Variants in STOX2 observed in about 807,000 individuals in gnomAD.
The protein encoded by STOX2 is storkhead box 2.
Under a neutral mutation model 60.9 loss-of-function variants are expected in STOX2, and 28 were observed. That is an observed-to-expected ratio of 0.46 (90% CI 0.34 to 0.63). The LOEUF (loss-of-function observed/expected upper bound fraction) is 0.63, where lower values mean the gene tolerates loss of function less well. Ranked by LOEUF, STOX2 falls within the 30% of genes least tolerant of loss-of-function variation. STOX2 has a pLI of 0.01. For missense variants in STOX2, 1,024 were observed against 1,187.7 expected, an observed-to-expected ratio of 0.86 and a Z score of 2.03; for synonymous variants, 472 against 463.9, an observed-to-expected ratio of 1.02 and a Z score of -0.22.
intron 1 of STOX2, among the ~76,000 whole-genome samples, chr4:183,908,374 T>C (rs559482865): frequency 6.5e-4 from 99 of 152,312 alleles, no homozygotes; most frequent in African/African-American, 2.1e-3. Context: ...CATATGTACA[T>C]AAACCCATTG....
chr4:183,897,446 A>G (rs1296771377), intron 1 of STOX2, among the ~76,000 whole-genome samples: 1 of 152,210 alleles, frequency 6.6e-6, no homozygotes, highest in African/African-American at 2.4e-5. Flanking sequence ...GCTGTTGTAC[A>G]TGCTAATTGT....
At chr4:183,850,236 G>A (rs1740083269) in intron 1 of STOX2, among the ~76,000 whole-genome samples, 1 of 151,492 alleles carries the variant, frequency 6.6e-6, no homozygotes, top group African/African-American at 2.4e-5. Flanking sequence ...GCCTCCCAAA[G>A]TGTTGGGATT....
chr4:184,011,563 A>T lies in STOX2; in HGVS notation c.2585+140A>T, dbSNP rs187802702. Reference sequence around the variant, plus strand: ...AGTTGTATGAGTTGTATTGTTAACAATCTGTTTCTGACTTCTTTTTCAGGA... The same window carrying T: ...AGTTGTATGAGTTGTATTGTTAACATTCTGTTTCTGACTTCTTTTTCAGGA... On this transcript the variant is annotated intron_variant, in intron 3 of 3. Transcript: ENST00000308497. The surrounding 1 kb of genome is among the most constrained non-coding windows in gnomAD (Gnocchi z 4.4). 27 of 1,550,080 alleles carry T rather than the reference A, an allele frequency of 1.7e-5. No individual in the cohort carries two copies. In the East Asian group the frequency reaches 6.0e-4, roughly 35 times the overall value.
At chr4:183,931,635 G>A (rs56125790) in intron 1 of STOX2, among the ~76,000 whole-genome samples, 8,941 of 152,252 alleles carry the variant, frequency 0.059, 764 homozygotes, top group East Asian at 0.45. Flanking sequence ...ATACCGTAAA[G>A]GTAGTGTGGC....
intron 1 of STOX2, among the ~76,000 whole-genome samples, chr4:183,955,904 G>A (rs748412682): frequency 7.2e-5 from 11 of 152,256 alleles, no homozygotes; most frequent in Non-Finnish European, 1.5e-4. Context: ...TTTCTCTTGC[G>A]CCAGTTTCCC....
chr4:184,010,469 C>T lies in STOX2; in HGVS notation c.1631C>T (p.Ala544Val), dbSNP rs771774456. Residue 544 changes from alanine (A) to valine (V), a missense_variant, in exon 3 of 4, where the codon GCT becomes GTT. Coordinates refer to ENST00000308497, the MANE Select transcript of STOX2 (RefSeq NM_020225.3). The surrounding 1 kb of genome is among the most constrained non-coding windows in gnomAD (Gnocchi z 4.5). ...GCACAGACCGTTAGTCTCCAAAGGG[C>T]TCACATTTCGTCCACAAGCTATAAA... ...RPAQTVSLQRAHISSTSYKEV... is the reference protein window; with the variant it reads ...RPAQTVSLQRVHISSTSYKEV... 4 of 1,613,778 alleles carry T rather than the reference C, an allele frequency of 2.5e-6. No homozygotes were observed. The highest frequency in any genetic ancestry group is 1.3e-5 in the African/African-American group (1 of 74,934).
At chr4:183,994,679 A>ATAAT (rs1733259491) in intron 1 of STOX2, among the ~76,000 whole-genome samples, 1 of 152,228 alleles carries the variant, frequency 6.6e-6, no homozygotes, top group South Asian at 2.1e-4. Context: ...CGCAGAGCGG[A>ATAAT]TAATTGTATT....
intron 1 of STOX2, among the ~76,000 whole-genome samples, chr4:183,892,707 G>A (rs1266624212): frequency 6.6e-6 from 1 of 151,970 alleles, no homozygotes; most frequent in African/African-American, 2.4e-5. Flanking sequence ...AAAGCAAACT[G>A]GACACTCTTC....
intron 1 of STOX2, among the ~76,000 whole-genome samples, chr4:183,845,093 T>C (rs1460535746): frequency 6.6e-6 from 1 of 152,164 alleles, no homozygotes; most frequent in Non-Finnish European, 1.5e-5. Context: ...GGCTCTATAA[T>C]AGTTTAAAAA....
intron 1 of STOX2, among the ~76,000 whole-genome samples, chr4:183,802,532 C>G (rs1738788734): frequency 6.6e-6 from 1 of 151,772 alleles, no homozygotes; most frequent in Admixed American, 6.6e-5. Flanking sequence ...CACCACTAAG[C>G]CTGGCTAATT....
At position 183,909,822 on chromosome 4, in the gene STOX2, A is replaced by G. The variant is rs887743764; in HGVS notation, c.166+2866A>G. ...CACGAATAAGTAATTACCAGTGTGA[A>G]ATGTGATTTATAGCAATAGGCTTGA... On this transcript the variant is annotated intron_variant, in intron 1 of 3. Coordinates refer to ENST00000308497, the MANE Select transcript of STOX2 (RefSeq NM_020225.3). Among the ~76,000 whole-genome samples the G allele has an allele frequency of 3.9e-5, 6 of 152,236 alleles. No homozygotes were observed. In the South Asian group the frequency reaches 1.2e-3, roughly 32 times the overall value.
At position 183,856,003 on chromosome 4, in the gene STOX2, A is replaced by C. The variant is rs751446784; in HGVS notation, c.364+57948A>C. On this transcript the variant is annotated intron_variant, in intron 1 of 2. Transcript: ENST00000513034. This position sits in a 1 kb window ranked among gnomAD's most constrained non-coding sequence, Gnocchi z 4.0. Reference sequence around the variant, plus strand: ...GTCAGGAGTAGGGCAAGCTTTGCTGAAGGTGGCAGCTGCCCTGGCCTGTCT... The same window carrying C: ...GTCAGGAGTAGGGCAAGCTTTGCTGCAGGTGGCAGCTGCCCTGGCCTGTCT... Among the ~76,000 whole-genome samples the C allele has an allele frequency of 2.8e-4, 43 of 152,294 alleles. 1 individual carries two copies. Among genetic ancestry groups the C allele is most frequent in the Middle Eastern group, 6.8e-3 (2 of 294 alleles).
At chr4:183,840,420 A>T (rs1739829665) in intron 1 of STOX2, among the ~76,000 whole-genome samples, 1 of 152,206 alleles carries the variant, frequency 6.6e-6, no homozygotes. Context: ...GTTGGCCACC[A>T]GGGGGCAAGC....
chr4:183,886,539 T>C (rs1228641892), intron 1 of STOX2, among the ~76,000 whole-genome samples: 1 of 152,148 alleles, frequency 6.6e-6, no homozygotes. Flanking sequence ...AAAAAGCTAG[T>C]GTTTGAGCAA....
At chr4:183,874,985 AT>A (rs1560857905) in intron 1 of STOX2, among the ~76,000 whole-genome samples, 126 of 101,920 alleles carry the variant, frequency 1.2e-3, no homozygotes, top group African/African-American at 3.8e-3. Context: ...ATATATATAT[AT>A]ATATATAAAA....
intron 1 of STOX2, among the ~76,000 whole-genome samples, chr4:183,862,546 G>A (rs1393298207): frequency 6.6e-6 from 1 of 152,240 alleles, no homozygotes; most frequent in Non-Finnish European, 1.5e-5. Flanking sequence ...ACCAGGGAAG[G>A]CCCTTCTGAA....
rs956973109 is a variant in STOX2, at chr4:183,932,233, A to G, written c.166+25277A>G. ...AGCTATGGGGTTGGGGACGTTGATG[A>G]GTTCCATTTTAGATATGTTGAGTTT... On this transcript the variant is annotated intron_variant, in intron 1 of 3. Transcript: ENST00000308497. Among the ~76,000 whole-genome samples the G allele has an allele frequency of 1.5e-4, 23 of 152,114 alleles. 3 individuals carry two copies. Among genetic ancestry groups the G allele is most frequent in the Admixed American group, 1.4e-3 (22 of 15,290 alleles).
intron 1 of STOX2, among the ~76,000 whole-genome samples, chr4:183,946,314 G>C (rs1163051798): frequency 1.3e-5 from 2 of 152,142 alleles, no homozygotes; most frequent in African/African-American, 4.8e-5. Flanking sequence ...AGTGACTGTT[G>C]TCAGGAGGAT....
upstream of STOX2, among the ~76,000 whole-genome samples, chr4:183,905,017 C>T (rs1369784755): frequency 1.3e-5 from 2 of 152,240 alleles, no homozygotes; most frequent in Non-Finnish European, 2.9e-5. Flanking sequence ...AATGCACCAA[C>T]ATGTCAAATG....
Sources: gnomAD v4.1 joint callset for allele counts (sites outside exome capture counted in the v4.1 genomes callset) on GRCh38, gnomAD v4.1.1 for gene constraint, Gnocchi (gnomAD v3.1) non-coding constraint, MANE v1.5 for transcripts, NCBI Gene and HGNC (gene_info 2026-07-23, HGNC 2026-07-21) for gene names.